Variants in ZNF326 observed in about 807,000 individuals in gnomAD.
ZNF326 encodes the protein zinc finger protein 326, also known as DBIRD complex subunit ZNF326.
ZNF326 carries 30 observed loss-of-function variants against 63.1 expected under a neutral mutation model. That is an observed-to-expected ratio of 0.48 (90% confidence interval 0.36 to 0.64). The LOEUF (loss-of-function observed/expected upper bound fraction) is 0.64, where lower values mean the gene tolerates loss of function less well. Among genes scored for constraint, ZNF326 ranks in the 30% least tolerant of loss-of-function variants. ZNF326 has a pLI of 0.00. For missense variants in ZNF326, 609 were observed against 720.3 expected (o/e 0.85, Z 1.77); for synonymous variants, 194 against 228.2 (o/e 0.85, Z 1.35).
intron 5 of ZNF326, among the ~76,000 whole-genome samples, chr1:90,009,817 G>A (rs1397177413): frequency 6.6e-6 from 1 of 152,022 alleles, no homozygotes; most frequent in South Asian, 2.1e-4. Context: ...ATAATCTCAA[G>A]TAATTTTGAA....
At position 90,022,275 on chromosome 1, in the gene ZNF326, AGAGT is replaced by A; in HGVS notation, c.1333_1336del (p.Val446Ter). 6.2e-7 allele frequency: 1 copy of A among 1,612,320 alleles called. No homozygotes were observed. Among genetic ancestry groups the A allele is most frequent in the Non-Finnish European group, 8.5e-7 (1 of 1,179,064 alleles). ...GCTTATAAGGAACAAATAAAAAGAG[AGAGT>A]GTCTTGACTGCTACAAGCATTTTAA... On this transcript the variant is annotated frameshift_variant, in exon 11 of 12. Transcript: ENST00000340281. LOFTEE classifies it high-confidence loss of function.
Position 90,025,273 on chromosome 1 carries a change from A to G in ZNF326, c.1402-2081A>G, listed in dbSNP as rs571212748. The stretch of plus-strand genomic sequence containing the variant: ...AGGCTTTCTGAATTAGGGTTTCCCA[A>G]ACTTCACTGATAAATATCTCCAAAA... On this transcript the variant is annotated intron_variant, in intron 11 of 11. Coordinates refer to ENST00000340281, the MANE Select transcript of ZNF326 (RefSeq NM_182976.4). Among the ~76,000 whole-genome samples the G allele has an allele frequency of 9.9e-5, 15 of 152,246 alleles. No homozygotes were observed. In the East Asian group the frequency reaches 2.9e-3, roughly 29 times the overall value.
intron 7 of ZNF326, among the ~76,000 whole-genome samples, chr1:90,016,576 G>A (rs1370239816): frequency 2.0e-5 from 3 of 151,998 alleles, no homozygotes; most frequent in Admixed American, 2.0e-4. Flanking sequence ...AATTAGCCAG[G>A]TGTGGTGGCG....
At position 90,010,213 on chromosome 1, in the gene ZNF326, GC is replaced by G. The variant is rs1233040383; in HGVS notation, c.744del (p.Ser249ValfsTer10). 1 of 1,613,740 alleles carries G rather than the reference GC, an allele frequency of 6.2e-7. No homozygotes were observed. The highest frequency in any genetic ancestry group is 8.5e-7 in the Non-Finnish European group (1 of 1,179,840). ...GAAAAATGATGCAGCCATTTAATAAGCCCAGTGGAACCTTTATCAAGAAACC... is the reference window on the plus strand; with the variant it reads ...GAAAAATGATGCAGCCATTTAATAAGCCAGTGGAACCTTTATCAAGAAACC... ...KRKMMQPFNK[P>X]SGTFIKKPKL... On this transcript the variant is annotated frameshift_variant, in exon 6 of 12. Transcript: ENST00000340281. LOFTEE classifies it high-confidence loss of function.
At chr1:90,023,172 G>C (rs916909081) in intron 11 of ZNF326, among the ~76,000 whole-genome samples, 2 of 152,120 alleles carry the variant, frequency 1.3e-5, no homozygotes, top group African/African-American at 4.8e-5. Context: ...TAGTCTTTTG[G>C]TTTTGTTGTG....
chr1:90,004,798 C>CTTTTT lies in ZNF326; in HGVS notation c.62-188_62-184dup, dbSNP rs34878438. Among the ~76,000 whole-genome samples, 160 of 68,102 alleles carry CTTTTT rather than the reference C, an allele frequency of 2.3e-3. 12 individuals are homozygous for CTTTTT. The highest frequency in any genetic ancestry group is 2.9e-3 in the Non-Finnish European group (112 of 38,758). The allele number at this position is 68,102 out of a possible 152,430, so 44.7% of individuals were successfully genotyped here. On this transcript the variant is annotated intron_variant, in intron 2 of 11. Coordinates refer to ENST00000340281, the MANE Select transcript of ZNF326 (RefSeq NM_182976.4). ...TATGTTTTTCTTTGAAATATCAGGG[C>CTTTTT]TTTTTTTTTTTTTTTTTTTTTAGCA...
chr1:89,999,196 ATAG>A (rs1648548162), intron 2 of ZNF326, among the ~76,000 whole-genome samples: 1 of 152,168 alleles, frequency 6.6e-6, no homozygotes, highest in African/African-American at 2.4e-5. Context: ...TTGGGAGGTG[ATAG>A]TAGTAGTAAT....
chr1:90,016,968 A>C (rs1367284010), intron 7 of ZNF326, among the ~76,000 whole-genome samples: 1 of 152,218 alleles, frequency 6.6e-6, no homozygotes, highest in East Asian at 1.9e-4. Context: ...TGAGGATGGA[A>C]CAACATGTAA....
chr1:90,035,002 A>G lies in ZNF326; in HGVS notation c.*7301A>G, dbSNP rs746840019. 3.9e-5 allele frequency: 6 copies of G among 152,202 alleles called. No individual in the cohort carries two copies. Among genetic ancestry groups the G allele is most frequent in the Non-Finnish European group, 8.8e-5 (6 of 68,018 alleles). 9.4% of individuals were successfully genotyped at this position (152,202 alleles called of 1,614,324 possible). ...TTATTACTTTAACTTAAAAAAAAAT[A>G]CCATAAGCTTGATAGATGCTCGAAA... On this transcript the variant is annotated 3_prime_UTR_variant, in exon 12 of 12. Transcript: ENST00000340281.
rs1650253235 is a variant in ZNF326 at position 90,031,098 on chromosome 1, T to A, written c.*3397T>A. The A allele has an allele frequency of 1.3e-5, 2 of 152,238 alleles. No individual in the cohort carries two copies. The highest frequency in any genetic ancestry group is 6.5e-5 in the Admixed American group (1 of 15,282). The allele number at this position is 152,238 out of a possible 1,614,324, so 9.4% of individuals were successfully genotyped here. ...CTCTTCCCCTATCAAGGCAGGAGTTTCCGCCCTTTTGAATATAAACATAGG... is the reference window on the plus strand; with the variant it reads ...CTCTTCCCCTATCAAGGCAGGAGTTACCGCCCTTTTGAATATAAACATAGG... On this transcript the variant is annotated 3_prime_UTR_variant, in exon 12 of 12. Coordinates refer to ENST00000340281, the MANE Select transcript of ZNF326 (RefSeq NM_182976.4).
rs889473680 is a variant in ZNF326, at chr1:90,028,321, A to T, written c.*620A>T. ...TTGCCTTAATGTATCAGTTCAGCTC[A>T]CAAGTATTTTAAGATGATTGAGAAG... On this transcript the variant is annotated 3_prime_UTR_variant, in exon 12 of 12. Coordinates refer to ENST00000340281, the MANE Select transcript of ZNF326 (RefSeq NM_182976.4). The T allele has an allele frequency of 3.3e-5, 5 of 152,044 alleles. No individual in the cohort carries two copies. The highest frequency in any genetic ancestry group is 7.3e-5 in the Non-Finnish European group (5 of 68,048). The allele number at this position is 152,044 out of a possible 1,614,324, so 9.4% of individuals were successfully genotyped here.
At position 90,032,165 on chromosome 1, in the gene ZNF326, T is replaced by G. The variant is rs1321370702; in HGVS notation, c.*4464T>G. ...TAATCTCTTCTTGACTTTCCCTTCT[T>G]CTTTCCCAGTCCTCTAATTCCCAGA... On this transcript the variant is annotated 3_prime_UTR_variant, in exon 12 of 12. Coordinates refer to ENST00000340281, the MANE Select transcript of ZNF326 (RefSeq NM_182976.4). 1.3e-5 allele frequency: 2 copies of G among 152,218 alleles called. No homozygotes were observed. Among genetic ancestry groups the G allele is most frequent in the Admixed American group, 1.3e-4 (2 of 15,290 alleles). 9.4% of individuals were successfully genotyped at this position (152,218 alleles called of 1,614,324 possible).
At chr1:90,008,155 G>GAA (rs1342650888) in intron 5 of ZNF326, among the ~76,000 whole-genome samples, 25 of 152,280 alleles carry the variant, frequency 1.6e-4, no homozygotes, top group African/African-American at 6.0e-4. Flanking sequence ...TTTATACTTT[G>GAA]TGGCTAAACT....
intron 2 of ZNF326, among the ~76,000 whole-genome samples, chr1:89,999,494 G>A (rs1006825014): frequency 6.6e-5 from 10 of 152,152 alleles, no homozygotes; most frequent in African/African-American, 2.4e-4. Context: ...AGTATACAGT[G>A]TTGCAAAAAG....
In ZNF326 at chr1:90,018,679, T is replaced by C; in HGVS notation, c.1075-6T>C. The C allele has an allele frequency of 6.5e-7, 1 of 1,548,340 alleles. No homozygotes were observed. The highest frequency in any genetic ancestry group is 8.8e-7 in the Non-Finnish European group (1 of 1,139,878). The stretch of plus-strand genomic sequence containing the variant: ...CTATTTAGATTCTTTCTATTTTGTT[T>C]TCTAGGAGTGTATGGTGAATAAATT... On this transcript the variant is annotated splice_region_variant and splice_polypyrimidine_tract_variant and intron_variant, in intron 8 of 11. Transcript: ENST00000340281.
rs776890748 is a variant in ZNF326, at chr1:90,010,168, T to C, written c.696T>C (p.Ala232=). 6.2e-7 allele frequency: 1 copy of C among 1,613,916 alleles called. No homozygotes were observed. The highest frequency in any genetic ancestry group is 1.7e-5 in the Admixed American group (1 of 60,012). ...ACAAATCCACCAATGTGACAGTTGC[T>C]GCTGCAAGAGGAATAAAGAGAAAAA... The part of the protein sequence containing the change: ...YQNKSTNVTV[A]AARGIKRKMM... The change falls in exon 6 of 12, where the codon GCT becomes GCC. Residue 232 remains alanine (A), a synonymous_variant. Transcript: ENST00000340281.
rs1208547717 is a variant in ZNF326, at chr1:89,995,263, C to T, written c.6C>T (p.Asp2=). Residue 2 remains aspartate (D), a synonymous_variant, in exon 1 of 12, where the codon GAC becomes GAT. Coordinates refer to ENST00000340281, the MANE Select transcript of ZNF326 (RefSeq NM_182976.4). ...GACGGCCCTCAGCCTCTGCCATGGA[C>T]TTCGAGGACGGTAAGCGCTGCCTCT... M[D]FEDDYTHSAC... 7 of 1,556,264 alleles carry T rather than the reference C, an allele frequency of 4.5e-6. No homozygotes were observed. The highest frequency in any genetic ancestry group is 6.1e-6 in the Non-Finnish European group (7 of 1,153,076).
Position 90,013,188 on chromosome 1 carries a change from CAA to C in ZNF326, c.879_880del (p.Arg294AlafsTer8). The C allele has an allele frequency of 6.2e-7, 1 of 1,610,022 alleles. No individual in the cohort carries two copies. The highest frequency in any genetic ancestry group is 1.7e-4 in the Middle Eastern group (1 of 6,050). Reference sequence around the variant, plus strand: ...GCGAATTGAGGCTCGGCGAGAGAAACAAAGGCGCAGAAGAGAAAAAAACAGTG... The same window carrying C: ...GCGAATTGAGGCTCGGCGAGAGAAACAGGCGCAGAAGAGAAAAAAACAGTG... The part of the protein sequence containing the change: ...KRRIEARREK[Q>X]RRRREKNSEK... On this transcript the variant is annotated frameshift_variant, in exon 7 of 12. Coordinates refer to ENST00000340281, the MANE Select transcript of ZNF326 (RefSeq NM_182976.4). LOFTEE classifies it high-confidence loss of function.
rs746354477 is a variant in ZNF326, at chr1:90,027,509, A to G, written c.1557A>G (p.Glu519=). The G allele has an allele frequency of 8.9e-5, 143 of 1,612,330 alleles. No individual in the cohort carries two copies. In the African/African-American group the frequency reaches 1.7e-3, roughly 20 times the overall value. ...AAGTGGGGGAAGTAGAGGAAGTGGA[A>G]GAAGTAGAGGAAGTGAGAGAAGGAG... ...AEEVGEVEEV[E]EVEEVREGGI... The change falls in exon 12 of 12, where the codon GAA becomes GAG. Residue 519 remains glutamate (E), a synonymous_variant. Coordinates refer to ENST00000340281, the MANE Select transcript of ZNF326 (RefSeq NM_182976.4).
Sources: allele counts gnomAD v4.1 joint callset (sites outside exome capture counted in the v4.1 genomes callset), GRCh38; gene constraint gnomAD v4.1.1; transcripts MANE v1.5; gene names NCBI Gene and HGNC (gene_info 2026-07-23, HGNC 2026-07-21).